GRIK2: variants seen among roughly 807,000 people sequenced by gnomAD.
GRIK2 encodes the protein glutamate receptor ionotropic, kainate 2.
A neutral mutation model predicts 100.3 loss-of-function variants in GRIK2; 32 were observed. That is an observed-to-expected ratio of 0.32 (90% confidence interval 0.24 to 0.43). The LOEUF is 0.43. Ranked by LOEUF, GRIK2 falls within the 20% of genes least tolerant of loss-of-function variation. The probability of loss-of-function intolerance (pLI) is 1.00; values close to 1 mark genes in which losing one functional copy is unlikely to be tolerated. For synonymous variants in GRIK2, 417 were observed against 389.4 expected (o/e 1.07, Z -0.83); for missense variants, 843 against 1,114.9 (o/e 0.76, Z 3.47).
chr6:101,747,546 G>A (rs557454137), intron 7 of GRIK2, among the ~76,000 whole-genome samples: 178 of 152,006 alleles, frequency 1.2e-3, no homozygotes, highest in African/African-American at 4.1e-3. Flanking sequence ...ATTAATATCT[G>A]AATTTTTGTA....
chr6:101,636,764 G>A (rs1355619408), intron 4 of GRIK2, among the ~76,000 whole-genome samples: 1 of 151,382 alleles, frequency 6.6e-6, no homozygotes, highest in Non-Finnish European at 1.5e-5. Flanking sequence ...GGGGGGGCGG[G>A]GAAATGTGAA....
At chr6:102,051,588 G>C (rs890323737) in intron 15 of GRIK2, among the ~76,000 whole-genome samples, 1 of 151,916 alleles carries the variant, frequency 6.6e-6, no homozygotes, top group Non-Finnish European at 1.5e-5. Context: ...GTGAATTTTA[G>C]ACAAAATATT....
At chr6:101,759,731 GTGTT>G (rs1777365949) in intron 7 of GRIK2, among the ~76,000 whole-genome samples, 1 of 151,676 alleles carries the variant, frequency 6.6e-6, no homozygotes, top group African/African-American at 2.4e-5. Context: ...AGTCACAATT[GTGTT>G]TGTAATTATT....
chr6:101,896,163 C>T (rs983740620), intron 12 of GRIK2, among the ~76,000 whole-genome samples: 1 of 151,678 alleles, frequency 6.6e-6, no homozygotes, highest in Non-Finnish European at 1.5e-5. Context: ...AGAAAAAATT[C>T]TTAGTTTGTA....
chr6:102,002,302 G>A lies in GRIK2; in HGVS notation c.2086-33039G>A, dbSNP rs957313165. Among the ~76,000 whole-genome samples the A allele has an allele frequency of 1.7e-4, 25 of 148,126 alleles. 1 individual carries two copies. The highest frequency in any genetic ancestry group is 6.1e-4 in the African/African-American group (25 of 40,652). ...TGTGTGTGTATATATGTGTGTGTGT[G>A]TGTATATATATACATACTATATATA... On this transcript the variant is annotated intron_variant, in intron 14 of 16. Transcript: ENST00000369134.
intron 2 of GRIK2, among the ~76,000 whole-genome samples, chr6:101,432,506 A>G (rs1405575658): frequency 6.6e-6 from 1 of 152,196 alleles, no homozygotes; most frequent in Non-Finnish European, 1.5e-5. Flanking sequence ...TTGAACGCCT[A>G]ACAGGTTGTA....
At position 101,439,283 on chromosome 6, in the gene GRIK2, T is replaced by C. The variant is rs17061963; in HGVS notation, c.115+39891T>C. ...GTCCTGGGAAGCAGAGATGGTTTCATTGGATGCCCATGGTTCAAAGTAACA... is the reference window on the plus strand; with the variant it reads ...GTCCTGGGAAGCAGAGATGGTTTCACTGGATGCCCATGGTTCAAAGTAACA... On this transcript the variant is annotated intron_variant, in intron 2 of 16. Coordinates refer to ENST00000369134, the MANE Select transcript of GRIK2 (RefSeq NM_021956.5). Among the ~76,000 whole-genome samples, 802 of 152,260 alleles carry C rather than the reference T, an allele frequency of 5.3e-3. 25 individuals are homozygous for C. The highest frequency in any genetic ancestry group is 0.043 in the Admixed American group (652 of 15,276).
chr6:101,541,119 A>G (rs1775963153), intron 2 of GRIK2, among the ~76,000 whole-genome samples: 1 of 151,994 alleles, frequency 6.6e-6, no homozygotes, highest in Admixed American at 6.6e-5. Context: ...CTATTGCTAC[A>G]TGTCTGTGTT....
chr6:101,915,790 T>C lies in GRIK2; in HGVS notation c.1749-8811T>C, dbSNP rs1286131011. On this transcript the variant is annotated intron_variant, in intron 12 of 16. Coordinates refer to ENST00000369134, the MANE Select transcript of GRIK2 (RefSeq NM_021956.5). ...ACAATGTTTTAAGCTTACTTCTTAA[T>C]ATTTTATTTTCTGAAATCAATGTCA... is the stretch of plus-strand genomic sequence containing the variant. Among the ~76,000 whole-genome samples the C allele has an allele frequency of 2.0e-5, 3 of 151,576 alleles. No individual in the cohort carries two copies. The Admixed American group carries it at 2.0e-4, about 10-fold the overall frequency.
chr6:101,792,836 C>G (rs938267453), intron 7 of GRIK2, among the ~76,000 whole-genome samples: 4 of 152,154 alleles, frequency 2.6e-5, no homozygotes, highest in African/African-American at 9.7e-5. Flanking sequence ...CCGTCTCTTT[C>G]AGGTACACCA....
At chr6:101,684,439 A>T (rs1419035694) in intron 6 of GRIK2, among the ~76,000 whole-genome samples, 1 of 152,050 alleles carries the variant, frequency 6.6e-6, no homozygotes, top group Non-Finnish European at 1.5e-5. Flanking sequence ...AGCTGAACTG[A>T]TGTGGATCAG....
At chr6:101,621,278 C>A (rs1238073557) in intron 2 of GRIK2, among the ~76,000 whole-genome samples, 1 of 151,934 alleles carries the variant, frequency 6.6e-6, no homozygotes, top group African/African-American at 2.4e-5. Context: ...TATAGTGAAA[C>A]CCCGACTATA....
chr6:101,423,438 C>A (rs1481165343), intron 2 of GRIK2, among the ~76,000 whole-genome samples: 1 of 152,128 alleles, frequency 6.6e-6, no homozygotes, highest in Non-Finnish European at 1.5e-5. Flanking sequence ...TTCCAATTTT[C>A]CACATTCTCG....
chr6:101,539,854 A>C (rs188314609), intron 2 of GRIK2, among the ~76,000 whole-genome samples: 73 of 151,908 alleles, frequency 4.8e-4, no homozygotes, highest in Admixed American at 7.9e-4. Context: ...AGTGGCAGCA[A>C]CTTTATTTAG....
intron 9 of GRIK2, among the ~76,000 whole-genome samples, chr6:101,805,488 A>G (rs1780941005): frequency 6.6e-6 from 1 of 151,960 alleles, no homozygotes; most frequent in South Asian, 2.1e-4. Flanking sequence ...AAAAATAAAG[A>G]AGGAAAACAT....
intron 10 of GRIK2, among the ~76,000 whole-genome samples, chr6:101,834,713 T>C (rs954600922): frequency 7.9e-5 from 12 of 152,186 alleles, no homozygotes; most frequent in Non-Finnish European, 1.8e-4. Flanking sequence ...CAATTTTGTT[T>C]ATTAAAGCTA....
chr6:101,891,089 G>T (rs190940408), intron 12 of GRIK2, among the ~76,000 whole-genome samples: 1 of 150,016 alleles, frequency 6.7e-6, no homozygotes, highest in Non-Finnish European at 1.5e-5. Context: ...TATCAGTAAG[G>T]GTATTTGTAA....
chr6:101,432,691 G>T (rs1381294636), intron 2 of GRIK2, among the ~76,000 whole-genome samples: 1 of 152,074 alleles, frequency 6.6e-6, no homozygotes, highest in African/African-American at 2.4e-5. Context: ...GGTGAGAGGA[G>T]GGTATGATGA....
chr6:101,808,229 A>G (rs540248881), intron 9 of GRIK2, among the ~76,000 whole-genome samples: 2 of 152,196 alleles, frequency 1.3e-5, no homozygotes, highest in Admixed American at 1.3e-4. Context: ...AAGAGTTGGA[A>G]GAGTTCCACA....
Sources: allele counts gnomAD v4.1 joint callset (sites outside exome capture counted in the v4.1 genomes callset), GRCh38; gene constraint gnomAD v4.1.1; transcripts MANE v1.5; gene names NCBI Gene and HGNC (gene_info 2026-07-23, HGNC 2026-07-21).